NLGN1: variants seen among roughly 807,000 people sequenced by gnomAD.
NLGN1 encodes neuroligin-1.
In NLGN1, 12 loss-of-function variants were observed where a neutral mutation model predicts 65.5. The observed-to-expected ratio is 0.18, with a 90% CI of 0.12 to 0.30. The LOEUF (loss-of-function observed/expected upper bound fraction) is 0.30, where lower values mean the gene tolerates loss of function less well. NLGN1 is among the 10% of genes least tolerant of loss of function. The pLI is 1.00. For missense variants in NLGN1, 750 were observed against 1,007.1 expected, an observed-to-expected ratio of 0.74 and a Z score of 3.46; for synonymous variants, 350 against 359.5, an observed-to-expected ratio of 0.97 and a Z score of 0.30.
intron 4 of NLGN1, among the ~76,000 whole-genome samples, chr3:174,208,923 T>C (rs1735925743): frequency 2.6e-5 from 4 of 152,108 alleles, no homozygotes; most frequent in Admixed American, 2.6e-4. Context: ...TCCTTTTCTG[T>C]TGTTGTTGTT....
At chr3:173,675,924 A>G (rs975996533) in intron 3 of NLGN1, among the ~76,000 whole-genome samples, 2 of 137,744 alleles carry the variant, frequency 1.5e-5, no homozygotes, top group African/African-American at 2.8e-5. Flanking sequence ...CACACACACT[A>G]GAGTATAAGT....
chr3:173,664,248 A>G (rs930274274), intron 3 of NLGN1, among the ~76,000 whole-genome samples: 3 of 152,074 alleles, frequency 2.0e-5, no homozygotes, highest in African/African-American at 4.8e-5. Context: ...TTTAAGGGCT[A>G]TTCTCCCAAT....
intron 4 of NLGN1, among the ~76,000 whole-genome samples, chr3:174,155,383 G>A (rs547791719): frequency 5.9e-5 from 9 of 151,900 alleles, no homozygotes; most frequent in East Asian, 1.9e-4. Context: ...GAGGTACAGT[G>A]TTTGATGGTA....
chr3:173,683,452 C>A (rs1764251404), intron 3 of NLGN1, among the ~76,000 whole-genome samples: 1 of 152,114 alleles, frequency 6.6e-6, no homozygotes, highest in Non-Finnish European at 1.5e-5. Flanking sequence ...ATGGAACTGA[C>A]TACATATTGG....
At chr3:173,595,165 A>G (rs1465108378) in intron 2 of NLGN1, among the ~76,000 whole-genome samples, 2 of 152,136 alleles carry the variant, frequency 1.3e-5, no homozygotes, top group Non-Finnish European at 2.9e-5. Context: ...TTTCTTTTCT[A>G]TGGCATTGTC....
intron 4 of NLGN1, among the ~76,000 whole-genome samples, chr3:174,161,148 G>C (rs967856957): frequency 2.0e-5 from 3 of 151,190 alleles, no homozygotes; most frequent in Non-Finnish European, 3.0e-5. Flanking sequence ...TTTCTATCAA[G>C]TTGCATAAAG....
At chr3:173,941,173 A>T (rs1011198590) in intron 4 of NLGN1, among the ~76,000 whole-genome samples, 2 of 152,058 alleles carry the variant, frequency 1.3e-5, no homozygotes, top group African/African-American at 4.8e-5. Flanking sequence ...TTATCCGAAG[A>T]TCATAGTACA....
chr3:174,193,255 C>G (rs1002660490), intron 4 of NLGN1, among the ~76,000 whole-genome samples: 1 of 152,122 alleles, frequency 6.6e-6, no homozygotes, highest in African/African-American at 2.4e-5. Flanking sequence ...ATAATAATGC[C>G]TTGCGACTGC....
At chr3:173,621,429 ATAAAATATTGATTGTGG>A (rs941589889) in intron 3 of NLGN1, among the ~76,000 whole-genome samples, 1 of 152,126 alleles carries the variant, frequency 6.6e-6, no homozygotes, top group African/African-American at 2.4e-5. Context: ...TTGAATTGTG[ATAAAATATTGATTGTGG>A]TAAAATATCA....
At chr3:173,735,376 C>T (rs1773582064) in intron 3 of NLGN1, among the ~76,000 whole-genome samples, 1 of 152,082 alleles carries the variant, frequency 6.6e-6, no homozygotes, top group South Asian at 2.1e-4. Flanking sequence ...TCTTTGGCCA[C>T]TTGAATTTAT....
chr3:174,237,820 G>A (rs1350589948), intron 4 of NLGN1, among the ~76,000 whole-genome samples: 3 of 152,174 alleles, frequency 2.0e-5, no homozygotes, highest in Non-Finnish European at 4.4e-5. Context: ...GCCTCCCAAA[G>A]TGTTGGGGTT....
At chr3:173,672,735 C>A (rs1044897939) in intron 3 of NLGN1, among the ~76,000 whole-genome samples, 1 of 152,192 alleles carries the variant, frequency 6.6e-6, no homozygotes, top group African/African-American at 2.4e-5. Context: ...GCCTTAATAT[C>A]ATTATGTATA....
intron 3 of NLGN1, among the ~76,000 whole-genome samples, chr3:173,803,219 C>T (rs1715845070): frequency 1.3e-5 from 2 of 152,066 alleles, no homozygotes; most frequent in African/African-American, 4.8e-5. Flanking sequence ...AAAGTAACAT[C>T]CCAGATTTCT....
At chr3:173,706,078 C>T (rs79760739) in intron 3 of NLGN1, among the ~76,000 whole-genome samples, 3,413 of 152,158 alleles carry the variant, frequency 0.022, 126 homozygotes, top group African/African-American at 0.076. Context: ...AATTTTCGTG[C>T]TCCTTGCAAT....
At chr3:173,522,277 A>G (rs1020475487) in intron 2 of NLGN1, among the ~76,000 whole-genome samples, 12 of 152,220 alleles carry the variant, frequency 7.9e-5, no homozygotes, top group Non-Finnish European at 7.3e-5. Context: ...ACTGCAAATG[A>G]CACTGTTTCA....
intron 4 of NLGN1, among the ~76,000 whole-genome samples, chr3:173,940,080 CTTTTTTTTTTTT>C (rs531013909): frequency 2.7e-5 from 2 of 75,404 alleles, no homozygotes; most frequent in East Asian, 4.7e-4. Context: ...ATAGTTATAG[CTTTTTTTTTTTT>C]TTTTTTTTTT....
chr3:174,053,592 G>A (rs1008673792), intron 4 of NLGN1, among the ~76,000 whole-genome samples: 1 of 151,994 alleles, frequency 6.6e-6, no homozygotes, highest in Non-Finnish European at 1.5e-5. Context: ...TAAGTAATGG[G>A]TAAAACTTAA....
intron 2 of NLGN1, among the ~76,000 whole-genome samples, chr3:173,436,608 A>G (rs1443081327): frequency 6.6e-6 from 1 of 152,192 alleles, no homozygotes; most frequent in Non-Finnish European, 1.5e-5. Flanking sequence ...AGCCAGATCC[A>G]TGTTCTCCTC....
At chr3:174,145,370 G>A (rs1723016531) in intron 4 of NLGN1, among the ~76,000 whole-genome samples, 1 of 151,960 alleles carries the variant, frequency 6.6e-6, no homozygotes, top group African/African-American at 2.4e-5. Flanking sequence ...AAAATTAGCT[G>A]GGCTTGGTGG....
Sources: gnomAD v4.1 joint callset for allele counts (sites outside exome capture counted in the v4.1 genomes callset) on GRCh38, gnomAD v4.1.1 for gene constraint, MANE v1.5 for transcripts, NCBI Gene and HGNC (gene_info 2026-07-23, HGNC 2026-07-21) for gene names.